PCDHA6: variants seen among roughly 807,000 people sequenced by gnomAD.
PCDHA6 encodes the protein protocadherin alpha-6.
A neutral mutation model predicts 60.3 loss-of-function variants in PCDHA6; 55 were observed. That is an observed-to-expected ratio of 0.91 (90% CI 0.73 to 1.14). The LOEUF is 1.14. Among genes scored for constraint, PCDHA6 ranks in the 50% most tolerant of loss-of-function variants. The pLI is 0.00. For synonymous variants in PCDHA6, 652 were observed against 557.9 expected (o/e 1.17, Z -2.38); for missense variants, 1,327 against 1,256.5 (o/e 1.06, Z -0.85).
At chr5:140,914,065 C>CTCCA (rs2076587155) in intron 1 of PCDHA6, among the ~76,000 whole-genome samples, 1 of 152,106 alleles carries the variant, frequency 6.6e-6, no homozygotes. Flanking sequence ...GGATGAAATG[C>CTCCA]TCCATAACTA....
intron 1 of PCDHA6, chr5:140,860,872 G>C (rs923006368): frequency 1.3e-5 from 2 of 152,288 alleles, no homozygotes; most frequent in African/African-American, 4.8e-5. Context: ...GGAGTAGCTG[G>C]GACTACAGGT....
intron 1 of PCDHA6, chr5:140,850,562 C>T (rs782715661): frequency 6.3e-7 from 1 of 1,598,314 alleles, no homozygotes; most frequent in Non-Finnish European, 8.6e-7. Context: ...CCACGGGCCC[C>T]GAGGTGACGC....
chr5:140,982,357 A>G, intron 2 of PCDHA6, 118 bp from the exon 3 acceptor site: 1 of 1,520,660 alleles, frequency 6.6e-7, no homozygotes. Flanking sequence ...TTCAAGCATG[A>G]GCAGAATGTG....
rs781970996 is a variant in PCDHA6 at position 140,869,968 on chromosome 5, A to AT, written c.2394+39483_2394+39484insT. 5 of 1,613,220 alleles carry AT rather than the reference A, an allele frequency of 3.1e-6. No homozygotes were observed. The South Asian group carries it at 5.5e-5, about 18-fold the overall frequency. On this transcript the variant is annotated intron_variant, in intron 1 of 3. Coordinates refer to ENST00000529310, the MANE Select transcript of PCDHA6 (RefSeq NM_018909.4). ...CTTAATGTCAATTAAGCCCAATGGA[A>AT]GACACTTATTTACACTAGATCAAAA...
At chr5:140,863,023 G>T (rs782495275) in intron 1 of PCDHA6, 12 of 553,926 alleles carry the variant, frequency 2.2e-5, no homozygotes, top group South Asian at 1.5e-4. Context: ...CCTGGTTGTC[G>T]CAACAGCTGC....
chr5:140,968,798 G>A, intron 1 of PCDHA6: 3 of 1,614,232 alleles, frequency 1.9e-6, no homozygotes, highest in Non-Finnish European at 2.5e-6. Context: ...GGCCATTACA[G>A]TAGCTGTGGT....
At chr5:140,966,670 G>C in intron 1 of PCDHA6, 1 of 1,283,064 alleles carries the variant, frequency 7.8e-7, no homozygotes, top group Non-Finnish European at 1.0e-6. Flanking sequence ...AGCAGGCGCA[G>C]GGTGGCACGA....
chr5:140,979,102 C>T (rs1263848262), intron 2 of PCDHA6, 95 bp downstream of exon 2: 1 of 1,541,684 alleles, frequency 6.5e-7, no homozygotes, highest in Non-Finnish European at 8.7e-7. Flanking sequence ...GCTGTCAAAA[C>T]TAAAAAGCTT....
At chr5:140,918,097 A>C (rs193088313) in intron 1 of PCDHA6, among the ~76,000 whole-genome samples, 2 of 152,192 alleles carry the variant, frequency 1.3e-5, no homozygotes, top group Non-Finnish European at 2.9e-5. Flanking sequence ...CTTTTTATAG[A>C]GATCTTTCAC....
chr5:140,847,895 A>G (rs1554141940), intron 1 of PCDHA6: 1 of 149,664 alleles, frequency 6.7e-6, no homozygotes, highest in African/African-American at 2.5e-5. Context: ...CTTTTTCATC[A>G]GTAGATTTCT....
intron 1 of PCDHA6, chr5:140,968,828 C>T (rs1404451202): frequency 6.2e-7 from 1 of 1,614,198 alleles, no homozygotes; most frequent in South Asian, 1.1e-5. Context: ...TTCCAAAATC[C>T]TCCCTGACAC....
intron 1 of PCDHA6, among the ~76,000 whole-genome samples, chr5:140,960,541 C>G (rs1200507322): frequency 6.6e-6 from 1 of 151,924 alleles, no homozygotes; most frequent in African/African-American, 2.4e-5. Context: ...GAAACTGTGG[C>G]CTTCATATAG....
intron 1 of PCDHA6, chr5:140,870,871 G>T (rs1257856778): frequency 1.2e-6 from 2 of 1,613,826 alleles, no homozygotes; most frequent in African/African-American, 2.7e-5. Context: ...GGGCCACGTG[G>T]TGGCGAAGGT....
At position 140,931,440 on chromosome 5, in the gene PCDHA6, A is replaced by C. The variant is rs539915059; in HGVS notation, c.2395-47509A>C. Among the ~76,000 whole-genome samples the C allele has an allele frequency of 2.1e-5, 3 of 141,482 alleles. No individual in the cohort carries two copies. In the South Asian group the frequency reaches 6.9e-4, roughly 32 times the overall value. 92.8% of individuals were successfully genotyped at this position (141,482 alleles called of 152,430 possible). A position where few individuals can be genotyped will look rare whatever the true frequency, so the allele number is the denominator to read the frequency against. ...CTAGAAGTTAGAAGGAAAATTAGCT[A>C]TTTAAAAGGAAAAATATAGGAATGA... On this transcript the variant is annotated intron_variant, in intron 1 of 3. Transcript: ENST00000529310.
At chr5:140,968,317 A>T (rs144335538) in intron 1 of PCDHA6, 17,308 of 1,614,002 alleles carry the variant, frequency 0.011, 130 homozygotes, top group Non-Finnish European at 0.013. Flanking sequence ...AAGGGCTGCC[A>T]GTCACCTCCT....
intron 1 of PCDHA6, among the ~76,000 whole-genome samples, chr5:140,902,016 T>C (rs541579348): frequency 1.3e-5 from 2 of 152,274 alleles, no homozygotes; most frequent in South Asian, 4.1e-4. Context: ...TTGGGACATA[T>C]AGAAATACTA....
chr5:140,850,357 C>G (rs146638035), intron 1 of PCDHA6: 1 of 1,597,856 alleles, frequency 6.3e-7, no homozygotes, highest in African/African-American at 1.3e-5. Flanking sequence ...GCGAGCATCC[C>G]GTTCCGCGTG....
At position 140,941,191 on chromosome 5, in the gene PCDHA6, TTTTCTTTCTTCC is replaced by T. The variant is rs1293685535; in HGVS notation, c.2395-37735_2395-37724del. 2.6e-3 allele frequency among the ~76,000 whole-genome samples: 239 copies of T among 93,120 alleles called. 3 individuals are homozygous for T. Among genetic ancestry groups the T allele is most frequent in the East Asian group, 5.8e-3 (18 of 3,094 alleles). The allele number at this position is 93,120 out of a possible 152,430, so 61.1% of individuals were successfully genotyped here. ...CATCTTGAACATCCTGCTTCTTTTT[TTTTCTTTCTTCC>T]TTTCTTTCTTCCTTTCTTTCTTTCT... is the stretch of plus-strand genomic sequence containing the variant. On this transcript the variant is annotated intron_variant, in intron 1 of 3. Transcript: ENST00000529310.
At chr5:141,008,382 A>G (rs1458485740) in intron 3 of PCDHA6, among the ~76,000 whole-genome samples, 1 of 152,166 alleles carries the variant, frequency 6.6e-6, no homozygotes, top group African/African-American at 2.4e-5. Flanking sequence ...ATACATAAAC[A>G]TTGCTATGAT....
Sources: gnomAD v4.1 joint callset for allele counts (sites outside exome capture counted in the v4.1 genomes callset) on GRCh38, gnomAD v4.1.1 for gene constraint, MANE v1.5 for transcripts, NCBI Gene and HGNC (gene_info 2026-07-23, HGNC 2026-07-21) for gene names.